Variants in NEGR1 observed in about 807,000 individuals in gnomAD.
The protein encoded by NEGR1 is neuronal growth regulator 1, also known as IgLON family member 4.
NEGR1 carries 10 observed loss-of-function variants against 40.9 expected under a neutral mutation model. The ratio of observed to expected loss-of-function variants is 0.24; its 90% confidence interval spans 0.15 to 0.42. NEGR1 has a LOEUF of 0.42. Among genes scored for constraint, NEGR1 ranks in the 10% least tolerant of loss-of-function variants. The pLI, the probability that NEGR1 is intolerant of heterozygous loss-of-function variation, is 1.00. For missense variants in NEGR1, 352 were observed against 438.9 expected (o/e 0.80, Z 1.77); for synonymous variants, 185 against 166.8 (o/e 1.11, Z -0.84).
intron 6 of NEGR1, among the ~76,000 whole-genome samples, chr1:71,489,249 C>A (rs1646908716): frequency 6.6e-6 from 1 of 151,742 alleles, no homozygotes; most frequent in Non-Finnish European, 1.5e-5. Flanking sequence ...TTTTAAATCT[C>A]CCAGGTAGAT....
At chr1:72,072,731 A>G (rs1164470557) in intron 1 of NEGR1, among the ~76,000 whole-genome samples, 1 of 129,668 alleles carries the variant, frequency 7.7e-6, no homozygotes, top group Non-Finnish European at 1.8e-5. Flanking sequence ...TCTGAGCTTG[A>G]TTCTCAGCAC....
chr1:71,858,249 A>AT (rs945285400), intron 2 of NEGR1, among the ~76,000 whole-genome samples: 2 of 151,636 alleles, frequency 1.3e-5, no homozygotes, highest in Admixed American at 1.3e-4. Context: ...TGCTGTTCTC[A>AT]TTTTTGTTCT....
intron 2 of NEGR1, among the ~76,000 whole-genome samples, chr1:71,881,041 G>T (rs1660570007): frequency 6.6e-6 from 1 of 151,832 alleles, no homozygotes; most frequent in Non-Finnish European, 1.5e-5. Flanking sequence ...TTATTTTATT[G>T]ACTCATCTTA....
chr1:71,730,358 C>T (rs776899116), intron 3 of NEGR1, among the ~76,000 whole-genome samples: 1 of 151,688 alleles, frequency 6.6e-6, no homozygotes, highest in African/African-American at 2.4e-5. Context: ...GTCTAACGTG[C>T]AATTCATGCC....
chr1:72,141,328 C>T (rs918906938), intron 1 of NEGR1, among the ~76,000 whole-genome samples: 3 of 151,936 alleles, frequency 2.0e-5, no homozygotes, highest in Admixed American at 2.0e-4. Flanking sequence ...ATAAAAAATA[C>T]AAATGCTATA....
intron 1 of NEGR1, among the ~76,000 whole-genome samples, chr1:72,171,402 T>C (rs567860494): frequency 5.3e-5 from 8 of 152,200 alleles, no homozygotes; most frequent in African/African-American, 9.6e-5. Context: ...CTGGCACCTA[T>C]TGGGATTCTA....
intron 1 of NEGR1, among the ~76,000 whole-genome samples, chr1:72,184,377 T>A (rs1570094551): frequency 6.6e-6 from 1 of 152,018 alleles, no homozygotes; most frequent in East Asian, 1.9e-4. Context: ...CCAAATAAGG[T>A]AGCTAGAGAG....
intron 1 of NEGR1, among the ~76,000 whole-genome samples, chr1:71,937,938 A>G (rs529805555): frequency 6.0e-4 from 91 of 152,230 alleles, no homozygotes; most frequent in African/African-American, 2.2e-3. Flanking sequence ...TAGTCTTAGC[A>G]TAAGCACTGT....
At chr1:71,788,137 CT>C (rs1656979422) in intron 2 of NEGR1, among the ~76,000 whole-genome samples, 1 of 152,088 alleles carries the variant, frequency 6.6e-6, no homozygotes, top group African/African-American at 2.4e-5. Flanking sequence ...GTTACCTTAT[CT>C]ACTTTTCTCA....
intron 2 of NEGR1, among the ~76,000 whole-genome samples, chr1:71,877,116 A>G (rs961794423): frequency 2.6e-5 from 4 of 152,020 alleles, no homozygotes; most frequent in Non-Finnish European, 4.4e-5. Flanking sequence ...AGAGCATTCA[A>G]AGCAAAGGTA....
rs543576868 is a variant in NEGR1, at chr1:71,505,344, C to T, written c.940+87473G>A. 6.6e-5 allele frequency among the ~76,000 whole-genome samples: 10 copies of T among 152,008 alleles called. No homozygotes were observed. The South Asian group carries it at 1.9e-3, about 28-fold the overall frequency. ...GCTCTTTCGCCGGAGTGCAGTGGCGCTATCTTGGCTCACTGCAAGCTCCAC... is the reference window on the plus strand; with the variant it reads ...GCTCTTTCGCCGGAGTGCAGTGGCGTTATCTTGGCTCACTGCAAGCTCCAC... On this transcript the variant is annotated intron_variant, in intron 6 of 6. Transcript: ENST00000357731.
intron 6 of NEGR1, among the ~76,000 whole-genome samples, chr1:71,513,848 C>A (rs991389360): frequency 1.7e-4 from 26 of 150,044 alleles, no homozygotes; most frequent in Non-Finnish European, 3.1e-4. Context: ...AGACAGTGTG[C>A]GCAGGCCAGT....
chr1:71,738,560 G>A (rs909479440), intron 3 of NEGR1, among the ~76,000 whole-genome samples: 21 of 152,064 alleles, frequency 1.4e-4, no homozygotes, highest in African/African-American at 3.1e-4. Context: ...CTCAGTTGTC[G>A]CCCTCAAGGG....
At chr1:71,869,229 C>G (rs1006689056) in intron 2 of NEGR1, among the ~76,000 whole-genome samples, 2 of 152,042 alleles carry the variant, frequency 1.3e-5, no homozygotes, top group African/African-American at 2.4e-5. Context: ...GGAAGGAATT[C>G]TAGATGAAAT....
At chr1:72,264,299 C>CT (rs1200738126) in intron 1 of NEGR1, among the ~76,000 whole-genome samples, 1 of 151,118 alleles carries the variant, frequency 6.6e-6, no homozygotes, top group African/African-American at 2.4e-5. Context: ...AATTTTAACA[C>CT]TTGTTCTCCT....
At chr1:71,458,298 C>A (rs1040660499) in intron 6 of NEGR1, among the ~76,000 whole-genome samples, 2 of 152,164 alleles carry the variant, frequency 1.3e-5, no homozygotes, top group African/African-American at 4.8e-5. Context: ...ACCATAAACT[C>A]TTATTATACA....
chr1:71,919,093 T>C (rs1313036218), intron 2 of NEGR1, among the ~76,000 whole-genome samples: 1 of 152,162 alleles, frequency 6.6e-6, no homozygotes, highest in Non-Finnish European at 1.5e-5. Context: ...CTCTACATTC[T>C]TCCTTCCATT....
At chr1:72,226,087 A>C (rs746715551) in intron 1 of NEGR1, among the ~76,000 whole-genome samples, 13 of 151,888 alleles carry the variant, frequency 8.6e-5, no homozygotes, top group Non-Finnish European at 1.5e-4. Flanking sequence ...TTAGGGTGGA[A>C]GTGAAATAAT....
intron 6 of NEGR1, among the ~76,000 whole-genome samples, chr1:71,411,860 G>A (rs755290605): frequency 9.2e-5 from 14 of 152,164 alleles, no homozygotes; most frequent in Admixed American, 5.2e-4. Flanking sequence ...AAATAGCTGG[G>A]CATGGTGTCA....
Sources: gnomAD v4.1 joint callset for allele counts (sites outside exome capture counted in the v4.1 genomes callset) on GRCh38, gnomAD v4.1.1 for gene constraint, MANE v1.5 for transcripts, NCBI Gene and HGNC (gene_info 2026-07-23, HGNC 2026-07-21) for gene names.